Variants in PLBD1 observed in about 807,000 individuals in gnomAD.
PLBD1 encodes the protein phospholipase B domain containing 1.
Under a neutral mutation model 63.0 loss-of-function variants are expected in PLBD1, and 60 were observed. The observed-to-expected ratio is 0.95, with a 90% CI of 0.77 to 1.18. The LOEUF is 1.18. Ranked by LOEUF, PLBD1 falls within the 50% of genes most tolerant of loss-of-function variation. PLBD1 has a pLI of 0.00. For synonymous variants in PLBD1, 262 were observed against 248.0 expected, an observed-to-expected ratio of 1.06 and a Z score of -0.53; for missense variants, 598 against 677.9, an observed-to-expected ratio of 0.88 and a Z score of 1.31.
At chr12:14,562,134 A>C (rs565798135) in intron 1 of PLBD1, among the ~76,000 whole-genome samples, 1 of 152,220 alleles carries the variant, frequency 6.6e-6, no homozygotes, top group East Asian at 1.9e-4. Flanking sequence ...CATCTCTCTC[A>C]ATCAAGAGAC....
Position 14,567,826 on chromosome 12 carries a change from CCT to C in PLBD1, c.-132_-131del. ...TCCGAGGTGGGGCGTCCTCAACTTT[CCT>C]CTTTCTTGAGCCCGGCCTGCTCCGG... On this transcript the variant is annotated 5_prime_UTR_variant, in exon 1 of 11. Transcript: ENST00000240617. 3 of 1,263,758 alleles carry C rather than the reference CCT, an allele frequency of 2.4e-6. No homozygotes were observed. The highest frequency in any genetic ancestry group is 2.0e-6 in the Non-Finnish European group (2 of 982,386). 78.3% of individuals were successfully genotyped at this position (1,263,758 alleles called of 1,614,324 possible). A position where few individuals can be genotyped will look rare whatever the true frequency, so the allele number is the denominator to read the frequency against.
intron 3 of PLBD1, among the ~76,000 whole-genome samples, chr12:14,541,268 C>A (rs4764099): frequency 6.6e-6 from 1 of 152,140 alleles, no homozygotes; most frequent in Non-Finnish European, 1.5e-5. Flanking sequence ...ATTCACCTTA[C>A]TTTTAGTTGT....
intron 1 of PLBD1, among the ~76,000 whole-genome samples, chr12:14,555,036 TATCTCTCCCACCA>T (rs1945690273): frequency 6.6e-6 from 1 of 152,128 alleles, no homozygotes; most frequent in African/African-American, 2.4e-5. Context: ...GCCTTCTAAA[TATCTCTCCCACCA>T]ATCTCTACCT....
rs535475246 is a variant in PLBD1 at position 14,523,843 on chromosome 12, A to T, written c.844+11816T>A. Among the ~76,000 whole-genome samples, 93 of 152,304 alleles carry T rather than the reference A, an allele frequency of 6.1e-4. No homozygotes were observed. In the Middle Eastern group the frequency reaches 0.014, roughly 22 times the overall value. On this transcript the variant is annotated intron_variant, in intron 6 of 10. Coordinates refer to ENST00000240617, the MANE Select transcript of PLBD1 (RefSeq NM_024829.6). ...GAAATGAAATAAGTATGTTAAAGAG[A>T]TATCCACACTCTCATGCTTATTGCA... is the stretch of plus-strand genomic sequence containing the variant.
chr12:14,511,562 T>C lies in PLBD1; in HGVS notation c.994A>G (p.Met332Val), dbSNP rs1358859126. 1 of 1,614,232 alleles carries C rather than the reference T, an allele frequency of 6.2e-7. No individual in the cohort carries two copies. The highest frequency in any genetic ancestry group is 8.5e-7 in the Non-Finnish European group (1 of 1,180,038). The stretch of plus-strand genomic sequence containing the variant: ...GCCCACCTCTTGCCACTATCTGCCA[T>C]CATATTGGCCACACGGACTCTTTGC... ...SWQRVRVANM[M>V]ADSGKRWADI... Residue 332 changes from methionine (M) to valine (V), a missense_variant, in exon 7 of 11, where the codon ATG becomes GTG. Coordinates refer to ENST00000240617, the MANE Select transcript of PLBD1 (RefSeq NM_024829.6).
rs984476644 is a variant in PLBD1, at chr12:14,567,664, C to T, written c.33G>A (p.Gly11=). ...GCAGAAGCGGTGGCGGCTGTGGCAG[C>T]CCCGGGCGCCCGCCCGGACCGCCGC... MTRGGPGGRP[G]LPQPPPLLLL... is the part of the protein sequence containing the mutation. Residue 11 remains glycine, a synonymous_variant, in exon 1 of 11, where the codon GGG becomes GGA. Transcript: ENST00000240617. The T allele has an allele frequency of 4.0e-6, 6 of 1,485,852 alleles. 1 individual carries two copies. Among genetic ancestry groups the T allele is most frequent in the South Asian group, 1.3e-5 (1 of 78,938 alleles). 92.0% of individuals were successfully genotyped at this position (1,485,852 alleles called of 1,614,324 possible). A position where few individuals can be genotyped will look rare whatever the true frequency, so the allele number is the denominator to read the frequency against.
chr12:14,546,017 T>G (rs1208296559), intron 2 of PLBD1, among the ~76,000 whole-genome samples: 1 of 152,132 alleles, frequency 6.6e-6, no homozygotes, highest in Non-Finnish European at 1.5e-5. Flanking sequence ...CCTGGCCTCA[T>G]GCTCTTAAAA....
chr12:14,525,791 T>C (rs1402391003), intron 6 of PLBD1, among the ~76,000 whole-genome samples: 1 of 152,124 alleles, frequency 6.6e-6, no homozygotes, highest in Non-Finnish European at 1.5e-5. Context: ...TATTGGTGTA[T>C]TTATAACATA....
At chr12:14,548,319 TG>T (rs561123591) in intron 2 of PLBD1, among the ~76,000 whole-genome samples, 327 of 150,400 alleles carry the variant, frequency 2.2e-3, no homozygotes, top group Admixed American at 3.6e-3. Context: ...TAGCTGGGAG[TG>T]GTGGTGCATG....
At chr12:14,564,557 A>G (rs1945766093) in intron 1 of PLBD1, among the ~76,000 whole-genome samples, 1 of 152,264 alleles carries the variant, frequency 6.6e-6, no homozygotes, top group South Asian at 2.1e-4. Flanking sequence ...GTTTGATTAC[A>G]GTGAGAAAGT....
intron 6 of PLBD1, among the ~76,000 whole-genome samples, chr12:14,512,616 T>A (rs1266051062): frequency 1.3e-5 from 2 of 152,216 alleles, no homozygotes; most frequent in African/African-American, 4.8e-5. Context: ...TTTTGTGGTT[T>A]ATACTGGGAT....
intron 8 of PLBD1, among the ~76,000 whole-genome samples, chr12:14,508,634 G>C (rs1420884353): frequency 6.6e-6 from 1 of 152,092 alleles, no homozygotes; most frequent in Non-Finnish European, 1.5e-5. Context: ...GCCAGGCATT[G>C]GGGTGCACAC....
chr12:14,538,029 A>C (rs1945533417), intron 4 of PLBD1, among the ~76,000 whole-genome samples: 1 of 151,952 alleles, frequency 6.6e-6, no homozygotes, highest in South Asian at 2.1e-4. Context: ...AGTTTTAAAA[A>C]TGTCTTGTAA....
intron 2 of PLBD1, among the ~76,000 whole-genome samples, chr12:14,549,485 A>C (rs1945640189): frequency 6.6e-6 from 1 of 152,188 alleles, no homozygotes; most frequent in African/African-American, 2.4e-5. Flanking sequence ...ACAGTCACAC[A>C]CTAGACAGAG....
intron 1 of PLBD1, among the ~76,000 whole-genome samples, chr12:14,555,903 C>T (rs1413264978): frequency 1.3e-5 from 2 of 152,212 alleles, no homozygotes; most frequent in Admixed American, 6.5e-5. Context: ...TGCCCCTGCT[C>T]CTAGACTAGA....
In PLBD1 at chr12:14,506,981, C is replaced by T. The variant is rs765945954; in HGVS notation, c.1324G>A (p.Gly442Arg). The change falls in exon 9 of 11, where the codon GGG becomes AGG. Residue 442 changes from glycine to arginine, a missense_variant. Physicochemically the swap from Gly to Arg is moderately radical, Grantham distance 125. Transcript: ENST00000240617. ...PRAKIFRRDQ[G>R]KVTDTASMKY... is the part of the protein sequence containing the mutation. Reference sequence around the variant, plus strand: ...ATGGATGCCGTATCAGTCACTTTCCCTTGGTCACGCCGGAAAATTTTGGCT... The same window carrying T: ...ATGGATGCCGTATCAGTCACTTTCCTTTGGTCACGCCGGAAAATTTTGGCT... The T allele has an allele frequency of 1.9e-6, 3 of 1,614,104 alleles. No homozygotes were observed. In the Admixed American group the frequency reaches 5.0e-5, roughly 27 times the overall value.
At chr12:14,558,758 G>A (rs1297772293) in intron 1 of PLBD1, among the ~76,000 whole-genome samples, 1 of 152,158 alleles carries the variant, frequency 6.6e-6, no homozygotes, top group Admixed American at 6.5e-5. Flanking sequence ...GGCAACCTGA[G>A]TACTAAACCA....
intron 1 of PLBD1, 24 bp downstream of exon 1, chr12:14,567,558 C>A (rs1420512501): frequency 6.8e-7 from 1 of 1,480,138 alleles, no homozygotes; most frequent in Admixed American, 2.5e-5. Context: ...CGGGCGCCCC[C>A]CGCCCAGGGC....
At chr12:14,562,283 C>T (rs1003982000) in intron 1 of PLBD1, among the ~76,000 whole-genome samples, 14 of 151,864 alleles carry the variant, frequency 9.2e-5, no homozygotes, top group African/African-American at 3.1e-4. Flanking sequence ...TATGGTGAAA[C>T]TCCCGTCTCT....
Sources: gnomAD v4.1 joint callset for allele counts (sites outside exome capture counted in the v4.1 genomes callset) on GRCh38, gnomAD v4.1.1 for gene constraint, MANE v1.5 for transcripts, NCBI Gene and HGNC (gene_info 2026-07-23, HGNC 2026-07-21) for gene names.